The following VWA2 variants were observed in gnomAD, a reference collection of about 807,000 sequenced individuals.
VWA2 encodes the protein von Willebrand factor A domain-containing protein 2.
Under a neutral mutation model 70.4 loss-of-function variants are expected in VWA2, and 73 were observed. The observed-to-expected ratio is 1.04, with a 90% confidence interval of 0.86 to 1.26. VWA2 has a LOEUF of 1.26. VWA2 is among the 50% of genes most tolerant of loss of function. The pLI is 0.00. For synonymous variants in VWA2, 407 were observed against 423.3 expected (o/e 0.96, Z 0.47); for missense variants, 1,011 against 998.5 (o/e 1.01, Z -0.17).
chr10:114,277,064 G>A (rs1219342476), intron 6 of VWA2, among the ~76,000 whole-genome samples: 1 of 148,038 alleles, frequency 6.8e-6, no homozygotes, highest in African/African-American at 2.5e-5. Context: ...TTACAGACCT[G>A]AATTTTAGAA....
At chr10:114,277,166 G>GTTTTTT (rs1564727758) in intron 6 of VWA2, among the ~76,000 whole-genome samples, 3 of 89,400 alleles carry the variant, frequency 3.4e-5, no homozygotes, top group African/African-American at 9.4e-5. Flanking sequence ...CTGACTGCAC[G>GTTTTTT]TCTTTTTTTT....
At position 114,248,681 on chromosome 10, in the gene VWA2, T is replaced by G. The variant is rs549011475; in HGVS notation, c.-10-23T>G. 1.1e-4 allele frequency: 171 copies of G among 1,605,660 alleles called. 3 individuals carry two copies. In the South Asian group the frequency reaches 1.8e-3, roughly 17 times the overall value. ...CACAGAACTAATTGCTGATACTTTC[T>G]TTCTTTTCCTGTGTCCCTGTAGTTA... is the stretch of plus-strand genomic sequence containing the variant. On this transcript the variant is annotated intron_variant, in intron 1 of 13. Coordinates refer to ENST00000392982, the MANE Select transcript of VWA2 (RefSeq NM_001272046.2).
intron 1 of VWA2, among the ~76,000 whole-genome samples, chr10:114,245,737 A>C (rs2037054897): frequency 6.6e-6 from 1 of 152,218 alleles, no homozygotes; most frequent in East Asian, 1.9e-4. Context: ...TCGTGTCTGT[A>C]GAGCTCCTGA....
chr10:114,286,691 T>A (rs1383658899), intron 11 of VWA2, among the ~76,000 whole-genome samples, 180 bp downstream of exon 11: 1 of 152,254 alleles, frequency 6.6e-6, no homozygotes, highest in Non-Finnish European at 1.5e-5. Context: ...AAAATGGGAC[T>A]AATAGTAGTA....
chr10:114,258,051 C>G (rs909096949), intron 4 of VWA2, among the ~76,000 whole-genome samples: 2 of 152,176 alleles, frequency 1.3e-5, no homozygotes, highest in Non-Finnish European at 2.9e-5. Flanking sequence ...ACTTGGGAAG[C>G]AGAGGAATTG....
At chr10:114,255,134 A>AT in intron 4 of VWA2, 86 bp downstream of exon 4, 1 of 1,542,442 alleles carries the variant, frequency 6.5e-7, no homozygotes, top group Non-Finnish European at 8.8e-7. Flanking sequence ...GGAGGCATCT[A>AT]CTCGCTTGTG....
chr10:114,282,542 C>T lies in VWA2; in HGVS notation c.860C>T (p.Pro287Leu), dbSNP rs1199404747. Reference protein sequence around the residue: ...YSWKRVFLTHPATCYRTTCPG... With the variant: ...YSWKRVFLTHLATCYRTTCPG... Reference sequence around the variant, plus strand: ...TGGAAGAGAGTGTTCCTAACCCACCCTGCCACCTGCTACAGGACCACCTGC... The same window carrying T: ...TGGAAGAGAGTGTTCCTAACCCACCTTGCCACCTGCTACAGGACCACCTGC... The change falls in exon 9 of 14, where the codon CCT becomes CTT. Residue 287 changes from proline (P) to leucine (L), a missense_variant. Pro to Leu is a moderately conservative substitution (Grantham distance 98). Transcript: ENST00000392982. 2 of 1,614,126 alleles carry T rather than the reference C, an allele frequency of 1.2e-6. No individual in the cohort carries two copies. The highest frequency in any genetic ancestry group is 1.7e-6 in the Non-Finnish European group (2 of 1,179,992).
Position 114,288,931 on chromosome 10 carries a change from C to T in VWA2, c.1571-7C>T, listed in dbSNP as rs1417257764. 1.9e-6 allele frequency: 3 copies of T among 1,596,742 alleles called. No homozygotes were observed. Among genetic ancestry groups the T allele is most frequent in the East Asian group, 4.5e-5 (2 of 44,746 alleles). ...CACTGCTGAAGCCCCTCTGCTTGCT[C>T]CTGCAGGGTGCCGGACACAAGCCCT... is the stretch of plus-strand genomic sequence containing the variant. On this transcript the variant is annotated splice_region_variant and splice_polypyrimidine_tract_variant and intron_variant, in intron 11 of 13. Transcript: ENST00000392982.
chr10:114,289,073 A>T lies in VWA2; in HGVS notation c.1706A>T (p.Gln569Leu). Residue 569 changes from glutamine (Q) to leucine (L), a missense_variant, in exon 12 of 14, where the codon CAG becomes CTG. Coordinates refer to ENST00000392982, the MANE Select transcript of VWA2 (RefSeq NM_001272046.2). ...LQFEVNPDVT[Q>L]VGLVVYGSQV... ...TTTGAGGTGAACCCTGACGTGACAC[A>T]GGTCGGCCTGGTGGTGTATGGCAGC... 1 of 1,614,190 alleles carries T rather than the reference A, an allele frequency of 6.2e-7. No individual in the cohort carries two copies. Among genetic ancestry groups the T allele is most frequent in the Non-Finnish European group, 8.5e-7 (1 of 1,180,028 alleles).
chr10:114,284,077 A>C (rs926968739), intron 9 of VWA2, among the ~76,000 whole-genome samples: 5 of 152,214 alleles, frequency 3.3e-5, no homozygotes, highest in Non-Finnish European at 7.3e-5. Flanking sequence ...TGCACTTTGT[A>C]ATAATTGATA....
chr10:114,277,999 C>A lies in VWA2; in HGVS notation c.652C>A (p.Leu218Ile). Reference sequence around the variant, plus strand: ...GCAGGTGGAGGATGCCACCAACGGCCTCTTCAGCACCCTCAGCAGCTCGGC... The same window carrying A: ...GCAGGTGGAGGATGCCACCAACGGCATCTTCAGCACCCTCAGCAGCTCGGC... ...AEQVEDATNG[L>I]FSTLSSSAIC... Residue 218 changes from leucine to isoleucine, a missense_variant, in exon 7 of 14, where the codon CTC (leucine) becomes ATC (isoleucine). By Grantham distance (5) the Leu-to-Ile change is conservative. Coordinates refer to ENST00000392982, the MANE Select transcript of VWA2 (RefSeq NM_001272046.2). The A allele has an allele frequency of 6.2e-7, 1 of 1,613,308 alleles. No homozygotes were observed. The highest frequency in any genetic ancestry group is 8.5e-7 in the Non-Finnish European group (1 of 1,179,656).
At chr10:114,274,128 C>T (rs1410738630) in intron 6 of VWA2, among the ~76,000 whole-genome samples, 1 of 152,158 alleles carries the variant, frequency 6.6e-6, no homozygotes, top group Non-Finnish European at 1.5e-5. Context: ...GAAGGAACAG[C>T]CAGACGGCCA....
rs565481298 is a variant in VWA2 at position 114,243,964 on chromosome 10, GA to G, written c.-11+4397del. On this transcript the variant is annotated intron_variant, in intron 1 of 13. Coordinates refer to ENST00000392982, the MANE Select transcript of VWA2 (RefSeq NM_001272046.2). ...TCTACATCCATGGATGAGAACTCCA[GA>G]AGCCAGGAATAACAAGTGGGATTAG... is the stretch of plus-strand genomic sequence containing the variant. Among the ~76,000 whole-genome samples, 163 of 152,334 alleles carry G rather than the reference GA, an allele frequency of 1.1e-3. 1 individual carries two copies. Among genetic ancestry groups the G allele is most frequent in the African/African-American group, 3.6e-3 (148 of 41,580 alleles).
At chr10:114,252,915 T>C (rs2133300023) in intron 2 of VWA2, among the ~76,000 whole-genome samples, 1 of 151,948 alleles carries the variant, frequency 6.6e-6, no homozygotes, top group East Asian at 2.0e-4. Context: ...TGTTCCTTCA[T>C]CTGCCCCACT....
At chr10:114,247,560 A>G (rs2037099031) in intron 1 of VWA2, among the ~76,000 whole-genome samples, 1 of 152,156 alleles carries the variant, frequency 6.6e-6, no homozygotes, top group Non-Finnish European at 1.5e-5. Context: ...CGGCCTCCCA[A>G]AGTGCTGGGA....
intron 1 of VWA2, among the ~76,000 whole-genome samples, chr10:114,242,747 A>T (rs1156344309): frequency 6.6e-6 from 1 of 152,204 alleles, no homozygotes; most frequent in Non-Finnish European, 1.5e-5. Flanking sequence ...TTCATCTATA[A>T]AGATGTAAAT....
At chr10:114,248,882 C>A in intron 2 of VWA2, 117 bp downstream of exon 2, 1 of 962,656 alleles carries the variant, frequency 1.0e-6, no homozygotes, top group Admixed American at 1.7e-5. Context: ...TGCATCTCCC[C>A]TCCATGGCCA....
intron 13 of VWA2, 113 bp downstream of exon 13, chr10:114,290,478 A>G (rs1589850663): frequency 7.0e-7 from 1 of 1,434,926 alleles, no homozygotes; most frequent in South Asian, 1.3e-5. Context: ...AGTGGAAGAA[A>G]TTATTCAGTC....
chr10:114,240,017 C>T (rs570505276), intron 1 of VWA2, among the ~76,000 whole-genome samples: 6 of 152,288 alleles, frequency 3.9e-5, no homozygotes, highest in South Asian at 4.1e-4. Flanking sequence ...GTGACATGCT[C>T]GCTTCCACCC....
Sources: gnomAD v4.1 joint callset for allele counts (sites outside exome capture counted in the v4.1 genomes callset) on GRCh38, gnomAD v4.1.1 for gene constraint, MANE v1.5 for transcripts, NCBI Gene and HGNC (gene_info 2026-07-23, HGNC 2026-07-21) for gene names.